The following TBC1D12 variants were observed in gnomAD, a reference collection of about 807,000 sequenced individuals.
The protein encoded by TBC1D12 is TBC1 domain family member 12.
A neutral mutation model predicts 86.7 loss-of-function variants in TBC1D12; 56 were observed. The ratio of observed to expected loss-of-function variants is 0.65; its 90% CI spans 0.52 to 0.81. The LOEUF (loss-of-function observed/expected upper bound fraction) is 0.81, where lower values mean the gene tolerates loss of function less well. Among genes scored for constraint, TBC1D12 ranks in the 30% least tolerant of loss-of-function variants. TBC1D12 has a pLI of 0.00. For missense variants in TBC1D12, 1,023 were observed against 1,038.8 expected (o/e 0.98, Z 0.21); for synonymous variants, 421 against 411.7 (o/e 1.02, Z -0.27).
At chr10:94,511,487 C>A in intron 8 of TBC1D12, 96 bp from the exon 9 acceptor site, 3 of 784,402 alleles carry the variant, frequency 3.8e-6, no homozygotes, top group South Asian at 3.0e-5. Flanking sequence ...TAAAACTAGT[C>A]ATTTAGGAAA....
intron 2 of TBC1D12, among the ~76,000 whole-genome samples, chr10:94,455,402 GATA>G (rs2055612512): frequency 6.6e-6 from 1 of 152,136 alleles, no homozygotes; most frequent in South Asian, 2.1e-4. Flanking sequence ...GCTGGCTTCA[GATA>G]ATGAGTGAGG....
rs187377350 is a variant in TBC1D12 at position 94,518,835 on chromosome 10, G to A, written c.1762-3120G>A. On this transcript the variant is annotated intron_variant, in intron 9 of 12. Transcript: ENST00000225235. Reference sequence around the variant, plus strand: ...CACGCCTGTAATCCCAGCACCTTAGGAGGTCAAGGCAGGCGGATCACCTGA... The same window carrying A: ...CACGCCTGTAATCCCAGCACCTTAGAAGGTCAAGGCAGGCGGATCACCTGA... Among the ~76,000 whole-genome samples, 782 of 152,298 alleles carry A rather than the reference G, an allele frequency of 5.1e-3. 2 individuals are homozygous for A. The highest frequency in any genetic ancestry group is 6.5e-3 in the Non-Finnish European group (439 of 68,016).
chr10:94,478,405 T>A (rs530283630), intron 3 of TBC1D12, among the ~76,000 whole-genome samples: 1 of 152,058 alleles, frequency 6.6e-6, no homozygotes, highest in African/African-American at 2.4e-5. Context: ...AAGGCGGGAT[T>A]TGTAGTTAAA....
At chr10:94,459,019 T>G (rs1308570426) in intron 2 of TBC1D12, among the ~76,000 whole-genome samples, 1 of 152,128 alleles carries the variant, frequency 6.6e-6, no homozygotes, top group Non-Finnish European at 1.5e-5. Context: ...GTGGCCTGCT[T>G]TTATTTCTTT....
intron 6 of TBC1D12, among the ~76,000 whole-genome samples, chr10:94,501,011 G>A (rs1450738658): frequency 2.6e-5 from 4 of 151,768 alleles, no homozygotes; most frequent in South Asian, 2.1e-4. Context: ...AGCCGAGATC[G>A]CGCCTGTGCA....
intron 1 of TBC1D12, among the ~76,000 whole-genome samples, chr10:94,405,076 T>C (rs917883295): frequency 1.3e-5 from 2 of 151,684 alleles, no homozygotes; most frequent in African/African-American, 4.8e-5. Context: ...CAGTTTTCCT[T>C]GAGTTAGATT....
At chr10:94,515,710 T>C (rs901082004) in intron 9 of TBC1D12, among the ~76,000 whole-genome samples, 2 of 152,182 alleles carry the variant, frequency 1.3e-5, no homozygotes, top group Non-Finnish European at 2.9e-5. Flanking sequence ...ATATACTATG[T>C]TTTTTCTGTA....
intron 1 of TBC1D12, among the ~76,000 whole-genome samples, chr10:94,430,804 T>G (rs976868724): frequency 6.6e-6 from 1 of 152,216 alleles, no homozygotes; most frequent in African/African-American, 2.4e-5. Flanking sequence ...CTTTTCTTAG[T>G]GTGCCTCTTT....
chr10:94,509,986 G>T, intron 7 of TBC1D12, 105 bp from the exon 8 acceptor site: 1 of 751,122 alleles, frequency 1.3e-6, no homozygotes, highest in South Asian at 1.8e-5. Flanking sequence ...TGATTATTCA[G>T]CTTTTAACTT....
At chr10:94,446,353 A>C (rs1431796254) in intron 2 of TBC1D12, among the ~76,000 whole-genome samples, 1 of 152,208 alleles carries the variant, frequency 6.6e-6, no homozygotes, top group East Asian at 1.9e-4. Flanking sequence ...TAGGTTCTTA[A>C]GCTGTTAAGG....
intron 11 of TBC1D12, among the ~76,000 whole-genome samples, chr10:94,527,127 C>T (rs148035270): frequency 0.014 from 2,023 of 147,542 alleles, 53 homozygotes; most frequent in African/African-American, 0.049. Context: ...TCTCTGCACT[C>T]TGTTGCCCAG....
chr10:94,475,045 AG>A (rs1207787030), intron 3 of TBC1D12, among the ~76,000 whole-genome samples: 1 of 152,066 alleles, frequency 6.6e-6, no homozygotes, highest in Non-Finnish European at 1.5e-5. Context: ...CTCCCCTTCC[AG>A]GATTGTAGGC....
At chr10:94,513,032 T>C (rs1204186536) in intron 9 of TBC1D12, among the ~76,000 whole-genome samples, 3 of 151,964 alleles carry the variant, frequency 2.0e-5, no homozygotes, top group African/African-American at 7.3e-5. Flanking sequence ...GCAGATTCCA[T>C]ATTCAGGAGT....
chr10:94,487,694 CTTTTTTTTTTTT>C (rs35682157), intron 3 of TBC1D12, among the ~76,000 whole-genome samples: 1 of 127,336 alleles, frequency 7.9e-6, no homozygotes, highest in South Asian at 2.5e-4. Flanking sequence ...TGTTGTTTCT[CTTTTTTTTTTTT>C]TTTTTTTTGA....
rs754511967 is a variant in TBC1D12, at chr10:94,510,141, A to G, written c.1651A>G (p.Ile551Val). 2.5e-6 allele frequency: 4 copies of G among 1,609,408 alleles called. No homozygotes were observed. In the African/African-American group the frequency reaches 5.4e-5, roughly 22 times the overall value. ...CAGTCTGGAATTAATTAAGTTGGAC[A>G]TATCCCGTACATTTCCATCTCTCTA... ...EASLELIKLD[I>V]SRTFPSLYIF... The change falls in exon 8 of 13, where the codon ATA becomes GTA. Residue 551 changes from isoleucine (I) to valine (V), a missense_variant. Ile to Val is a conservative substitution (Grantham distance 29, BLOSUM62 3). Coordinates refer to ENST00000225235, the MANE Select transcript of TBC1D12 (RefSeq NM_015188.2).
At chr10:94,423,342 C>CTTT (rs71486719) in intron 1 of TBC1D12, among the ~76,000 whole-genome samples, 1,086 of 94,080 alleles carry the variant, frequency 0.012, 7 homozygotes, top group East Asian at 0.016. Flanking sequence ...CATTCACCAT[C>CTTT]TTTTTTTTTT....
chr10:94,494,439 T>A (rs1199298553), intron 4 of TBC1D12, among the ~76,000 whole-genome samples: 1 of 152,256 alleles, frequency 6.6e-6, no homozygotes, highest in Non-Finnish European at 1.5e-5. Flanking sequence ...TATATAAGGC[T>A]AGTTATATTG....
At position 94,533,845 on chromosome 10, in the gene TBC1D12, A is replaced by T. The variant is rs1842489105; in HGVS notation, c.*749A>T. ...AAGAAAACTATAAATAACTGGTAGA[A>T]GGAAAGTGCTTTGCACTTCAGTGGA... On this transcript the variant is annotated 3_prime_UTR_variant, in exon 13 of 13. Transcript: ENST00000225235. The T allele has an allele frequency of 6.6e-6, 1 of 152,232 alleles. No homozygotes were observed. Among genetic ancestry groups the T allele is most frequent in the South Asian group, 2.1e-4 (1 of 4,832 alleles). The allele number at this position is 152,232 out of a possible 1,614,324, so 9.4% of individuals were successfully genotyped here. A position where few individuals can be genotyped will look rare whatever the true frequency, so the allele number is the denominator to read the frequency against.
chr10:94,411,788 T>C (rs2054931263), intron 1 of TBC1D12, among the ~76,000 whole-genome samples: 1 of 151,974 alleles, frequency 6.6e-6, no homozygotes, highest in Admixed American at 6.6e-5. Flanking sequence ...TGAGAGGCTG[T>C]CTCTTCAAAA....
Sources: gnomAD v4.1 joint callset for allele counts (sites outside exome capture counted in the v4.1 genomes callset) on GRCh38, gnomAD v4.1.1 for gene constraint, MANE v1.5 for transcripts, NCBI Gene and HGNC (gene_info 2026-07-23, HGNC 2026-07-21) for gene names.